PARP11: variants seen among roughly 807,000 people sequenced by gnomAD.
PARP11 encodes protein mono-ADP-ribosyltransferase PARP11.
A neutral mutation model predicts 42.9 loss-of-function variants in PARP11; 31 were observed. The observed-to-expected ratio is 0.72, with a 90% CI of 0.54 to 0.98. PARP11 has a LOEUF of 0.98. Ranked by LOEUF, PARP11 falls within the 50% of genes least tolerant of loss-of-function variation. The pLI is 0.00. For missense variants in PARP11, 365 were observed against 413.1 expected (o/e 0.88, Z 1.01); for synonymous variants, 137 against 127.3 (o/e 1.08, Z -0.51).
chr12:3,840,621 C>CTCTGAGAAGTAGCAATAGTTAGA lies in PARP11; in HGVS notation c.19-10604_19-10603insTCTAACTATTGCTACTTCTCAGA. ...CAAGTCGAGAATCTAACTATTGCTA[C>CTCTGAGAAGTAGCAATAGTTAGA]TTCTCAGAGTAGCAATCCATGTGTC... On this transcript the variant is annotated intron_variant, in intron 1 of 7. Transcript: ENST00000228820. This position sits in a 1 kb window ranked among gnomAD's most constrained non-coding sequence, Gnocchi z 4.4. 7.9e-7 allele frequency: 1 copy of CTCTGAGAAGTAGCAATAGTTAGA among 1,266,290 alleles called. No individual in the cohort carries two copies. The highest frequency in any genetic ancestry group is 1.2e-6 in the Non-Finnish European group (1 of 862,768). 78.4% of individuals were successfully genotyped at this position (1,266,290 alleles called of 1,614,324 possible). A position where few individuals can be genotyped will look rare whatever the true frequency, so the allele number is the denominator to read the frequency against.
chr12:3,839,446 G>A, intron 1 of PARP11: 3 of 1,607,576 alleles, frequency 1.9e-6, no homozygotes, highest in Non-Finnish European at 2.5e-6. Context: ...CCTGTTCCGG[G>A]CCGTGGCGGA....
At position 3,816,974 on chromosome 12, in the gene PARP11, G is replaced by A. The variant is rs190707959; in HGVS notation, c.549-2786C>T. On this transcript the variant is annotated intron_variant, in intron 6 of 7. Coordinates refer to ENST00000228820, the MANE Select transcript of PARP11 (RefSeq NM_020367.6). ...TGGGAGGCTGAGGTGGGCGGATCACGAGGTCAGAAGATCCAGACCATCCTA... is the reference window on the plus strand; with the variant it reads ...TGGGAGGCTGAGGTGGGCGGATCACAAGGTCAGAAGATCCAGACCATCCTA... Among the ~76,000 whole-genome samples the A allele has an allele frequency of 3.8e-4, 58 of 152,154 alleles. No homozygotes were observed. In the East Asian group the frequency reaches 9.9e-3, roughly 26 times the overall value.
At position 3,812,258 on chromosome 12, in the gene PARP11, G is replaced by GTA; in HGVS notation, c.880_881dup (p.Met295ThrfsTer12). The GTA allele has an allele frequency of 6.2e-7, 1 of 1,614,164 alleles. No individual in the cohort carries two copies. ...TCCCGTCTTTGGAAGGAGGTCGCATGTATTTGGAGTCTCCGTTTATGTAAT... is the reference window on the plus strand; with the variant it reads ...TCCCGTCTTTGGAAGGAGGTCGCATGTATATTTGGAGTCTCCGTTTATGTAAT... On this transcript the variant is annotated frameshift_variant, in exon 8 of 8. Coordinates refer to ENST00000228820, the MANE Select transcript of PARP11 (RefSeq NM_020367.6). LOFTEE classifies it high-confidence loss of function.
At chr12:3,824,754 TACAATA>T (rs1201976809) in intron 4 of PARP11, 7 of 219,666 alleles carry the variant, frequency 3.2e-5, no homozygotes, top group African/African-American at 7.0e-5. Flanking sequence ...AATGTACAAT[TACAATA>T]ACATCTTCCA....
chr12:3,816,011 A>C (rs1418341726), intron 6 of PARP11, among the ~76,000 whole-genome samples: 1 of 152,162 alleles, frequency 6.6e-6, no homozygotes, highest in Non-Finnish European at 1.5e-5. Context: ...ATATGCTTTG[A>C]TCTATTTGTG....
intron 1 of PARP11, among the ~76,000 whole-genome samples, chr12:3,844,636 C>T (rs1013718634): frequency 2.0e-5 from 3 of 152,064 alleles, no homozygotes; most frequent in African/African-American, 4.8e-5. Flanking sequence ...TTTGTCTTAC[C>T]TCAATTGAGT....
chr12:3,855,175 C>T (rs1948169161), intron 1 of PARP11, among the ~76,000 whole-genome samples: 1 of 152,180 alleles, frequency 6.6e-6, no homozygotes, highest in Admixed American at 6.5e-5. Flanking sequence ...CAGCCAATAT[C>T]AAACTGAATG....
At chr12:3,870,029 T>G (rs1948447363) in intron 1 of PARP11, among the ~76,000 whole-genome samples, 1 of 152,296 alleles carries the variant, frequency 6.6e-6, no homozygotes, top group African/African-American at 2.4e-5. Context: ...GCATGAGATT[T>G]TATCACACTA....
intron 4 of PARP11, among the ~76,000 whole-genome samples, chr12:3,822,520 A>T (rs951781431): frequency 6.8e-6 from 1 of 147,674 alleles, no homozygotes; most frequent in African/African-American, 2.6e-5. Context: ...AATGGCGTGA[A>T]CCCGGGAGGC....
At position 3,841,560 on chromosome 12, in the gene PARP11, C is replaced by G. The variant is rs561284037; in HGVS notation, c.19-11542G>C. The G allele has an allele frequency of 5.0e-6, 8 of 1,605,852 alleles. 1 individual carries two copies. In the South Asian group the frequency reaches 7.7e-5, roughly 15 times the overall value. ...CGACATTTTCTTCACCTCTGGTTATCCCTCCATCTCAGGTGTCTGAAAGTC... is the reference window on the plus strand; with the variant it reads ...CGACATTTTCTTCACCTCTGGTTATGCCTCCATCTCAGGTGTCTGAAAGTC... On this transcript the variant is annotated intron_variant, in intron 1 of 7. Transcript: ENST00000228820.
chr12:3,830,716 C>A (rs1017316947), intron 1 of PARP11, among the ~76,000 whole-genome samples: 14 of 152,124 alleles, frequency 9.2e-5, no homozygotes, highest in Admixed American at 9.2e-4. Context: ...GATGAAAATT[C>A]ATTTAGGTCT....
chr12:3,822,055 A>C (rs377410833), intron 5 of PARP11, 30 bp downstream of exon 5: 1 of 1,609,282 alleles, frequency 6.2e-7, no homozygotes, highest in South Asian at 1.1e-5. Flanking sequence ...GGTTTCTTTC[A>C]TGGGTATATT....
At position 3,861,689 on chromosome 12, in the gene PARP11, CT is replaced by C. The variant is rs891070118; in HGVS notation, c.18+11522del. Among the ~76,000 whole-genome samples the C allele has an allele frequency of 2.1e-4, 31 of 149,960 alleles. No homozygotes were observed. Among genetic ancestry groups the C allele is most frequent in the Middle Eastern group, 3.4e-3 (1 of 290 alleles). Reference sequence around the variant, plus strand: ...AATTTTGATAAAGTCTGTTTTATCACTTTTTTTTTTCATCGATCATAGTCCT... The same window carrying C: ...AATTTTGATAAAGTCTGTTTTATCACTTTTTTTTTCATCGATCATAGTCCT... On this transcript the variant is annotated intron_variant, in intron 1 of 7. Transcript: ENST00000228820. The surrounding 1 kb of genome is among the most constrained non-coding windows in gnomAD (Gnocchi z 4.6).
chr12:3,826,113 G>GAA, intron 4 of PARP11, 45 bp downstream of exon 4: 126 of 1,056,100 alleles, frequency 1.2e-4, no homozygotes, highest in Admixed American at 2.1e-4. Context: ...CCAATAGTAA[G>GAA]AAAAAAAAAA....
chr12:3,854,757 G>A lies in PARP11; in HGVS notation c.18+18455C>T, dbSNP rs183026173. 1.1e-3 allele frequency among the ~76,000 whole-genome samples: 174 copies of A among 152,228 alleles called. 3 individuals are homozygous for A. Among genetic ancestry groups the A allele is most frequent in the Admixed American group, 5.8e-3 (89 of 15,284 alleles). The stretch of plus-strand genomic sequence containing the variant: ...ACTATTCCAATCAACAGAAAAAAAG[G>A]GAATCCCCCCTAACTCATTTTATGA... On this transcript the variant is annotated intron_variant, in intron 1 of 7. Coordinates refer to ENST00000228820, the MANE Select transcript of PARP11 (RefSeq NM_020367.6).
intron 1 of PARP11, among the ~76,000 whole-genome samples, chr12:3,858,264 A>G (rs1948226387): frequency 6.6e-6 from 1 of 152,252 alleles, no homozygotes; most frequent in East Asian, 1.9e-4. Context: ...TTCAGTATCA[A>G]TGGTAAAATA....
chr12:3,822,215 A>ATT, intron 4 of PARP11, 58 bp from the exon 5 acceptor site: 2 of 1,280,542 alleles, frequency 1.6e-6, no homozygotes, highest in Non-Finnish European at 2.3e-6. Flanking sequence ...TACTGTCAAG[A>ATT]ACTTAGCCCT....
Position 3,840,063 on chromosome 12 carries a change from A to C in PARP11, c.19-10045T>G. Reference sequence around the variant, plus strand: ...AGGTTCTTAAGTCACTCAATCCTGCAGTCTATAGAAATGTGGAATATGAAA... The same window carrying C: ...AGGTTCTTAAGTCACTCAATCCTGCCGTCTATAGAAATGTGGAATATGAAA... On this transcript the variant is annotated intron_variant, in intron 1 of 7. Coordinates refer to ENST00000228820, the MANE Select transcript of PARP11 (RefSeq NM_020367.6). This position sits in a 1 kb window ranked among gnomAD's most constrained non-coding sequence, Gnocchi z 4.4. 2 of 1,609,384 alleles carry C rather than the reference A, an allele frequency of 1.2e-6. No individual in the cohort carries two copies. The highest frequency in any genetic ancestry group is 1.7e-6 in the Non-Finnish European group (2 of 1,175,584).
intron 3 of PARP11, among the ~76,000 whole-genome samples, chr12:3,826,716 A>G (rs1947534516): frequency 6.6e-6 from 1 of 152,208 alleles, no homozygotes; most frequent in African/African-American, 2.4e-5. Flanking sequence ...ACATTTCCTG[A>G]TTTCTCTTTA....
Sources: gnomAD v4.1 joint callset for allele counts (sites outside exome capture counted in the v4.1 genomes callset) on GRCh38, gnomAD v4.1.1 for gene constraint, Gnocchi (gnomAD v3.1) non-coding constraint, MANE v1.5 for transcripts, NCBI Gene and HGNC (gene_info 2026-07-23, HGNC 2026-07-21) for gene names.